The following PPEF2 variants were observed in gnomAD, a reference collection of about 807,000 sequenced individuals.
The protein encoded by PPEF2 is serine/threonine-protein phosphatase with EF-hands 2.
PPEF2 carries 84 observed loss-of-function variants against 84.7 expected under a neutral mutation model. That is an observed-to-expected ratio of 0.99 (90% CI 0.83 to 1.19). The LOEUF (loss-of-function observed/expected upper bound fraction) is 1.19, where lower values mean the gene tolerates loss of function less well. PPEF2 is among the 50% of genes most tolerant of loss of function. The pLI is 0.00. For synonymous variants in PPEF2, 346 were observed against 345.2 expected, an observed-to-expected ratio of 1.00 and a Z score of -0.03; for missense variants, 924 against 937.5, an observed-to-expected ratio of 0.99 and a Z score of 0.19.
intron 10 of PPEF2, among the ~76,000 whole-genome samples, chr4:75,880,059 A>G (rs138418695): frequency 0.039 from 5,967 of 151,862 alleles, 190 homozygotes; most frequent in Non-Finnish European, 0.055. Context: ...CCATCTCTTG[A>G]CCTCGTGATC....
rs779453312 is a variant in PPEF2, at chr4:75,872,066, A to AT, written c.1607dup (p.Tyr536Ter). 1 of 1,613,878 alleles carries AT rather than the reference A, an allele frequency of 6.2e-7. No individual in the cohort carries two copies. The highest frequency in any genetic ancestry group is 1.1e-5 in the South Asian group (1 of 91,040). Residue 536 changes from tyrosine (Y) to a stop codon, truncating the protein, a stop_gained and frameshift_variant, in exon 13 of 17, where the codon TAT (tyrosine) becomes TAAT (stop). Transcript: ENST00000286719. LOFTEE classifies it high-confidence loss of function. ...GTGTGTGGGTCACCTTGTTAGCTTGATACTGCACAATATGTGGGGTCAGGG... is the reference window on the plus strand; with the variant it reads ...GTGTGTGGGTCACCTTGTTAGCTTGATTACTGCACAATATGTGGGGTCAGGG... The part of the protein sequence containing the change: ...GPALTPHIVQ[Y>*]QANKVTHTLT...
intron 2 of PPEF2, among the ~76,000 whole-genome samples, chr4:75,894,872 G>A (rs1724972722): frequency 2.0e-5 from 3 of 152,194 alleles, no homozygotes; most frequent in Admixed American, 2.0e-4. Context: ...CACAAGATAA[G>A]GAAACCCTGA....
rs1724881071 is a variant in PPEF2, at chr4:75,891,515, T to G, written c.241+133A>C. The G allele has an allele frequency of 6.0e-6, 6 of 993,942 alleles. 1 individual carries two copies. Among genetic ancestry groups the G allele is most frequent in the Non-Finnish European group, 8.7e-6 (6 of 688,968 alleles). 61.6% of individuals were successfully genotyped at this position (993,942 alleles called of 1,614,324 possible). On this transcript the variant is annotated intron_variant, in intron 4 of 16. Coordinates refer to ENST00000286719, the MANE Select transcript of PPEF2 (RefSeq NM_006239.3). The stretch of plus-strand genomic sequence containing the variant: ...CTGGCATAAAACCCCAGTCTGCCAT[T>G]TACTCCTCAGCCCCTTGCTTATTCC...
intron 2 of PPEF2, among the ~76,000 whole-genome samples, chr4:75,894,724 G>A (rs938605006): frequency 1.3e-5 from 2 of 152,152 alleles, no homozygotes; most frequent in Non-Finnish European, 2.9e-5. Context: ...GGCAGGAGCT[G>A]GGGAAGTTTC....
At chr4:75,895,289 C>A (rs1479023355) in intron 2 of PPEF2, among the ~76,000 whole-genome samples, 1 of 151,600 alleles carries the variant, frequency 6.6e-6, no homozygotes, top group Non-Finnish European at 1.5e-5. Flanking sequence ...ATTAGCCGGG[C>A]ATGGTGGCAC....
At chr4:75,888,055 G>C (rs998322339) in intron 6 of PPEF2, among the ~76,000 whole-genome samples, 159 bp downstream of exon 6, 4 of 152,090 alleles carry the variant, frequency 2.6e-5, no homozygotes, top group Non-Finnish European at 5.9e-5. Context: ...CTCTTTTTTA[G>C]GTAAATGTGG....
At position 75,883,222 on chromosome 4, in the gene PPEF2, T is replaced by C. The variant is rs199765825; in HGVS notation, c.747-20A>G. 3.4e-5 allele frequency: 54 copies of C among 1,606,154 alleles called. No homozygotes were observed. The East Asian group carries it at 9.1e-4, about 27-fold the overall frequency. ...CCATATCTAGATTTAGAAGCACAAA[T>C]AGATATTAGAGTAAACTGGGTGACA... On this transcript the variant is annotated intron_variant, in intron 8 of 16. Transcript: ENST00000286719.
chr4:75,878,332 G>A (rs1229756311), intron 10 of PPEF2, among the ~76,000 whole-genome samples: 1 of 152,228 alleles, frequency 6.6e-6, no homozygotes, highest in African/African-American at 2.4e-5. Context: ...AGAGAGAGCA[G>A]CCATTCCTGC....
In PPEF2 at chr4:75,876,593, G is replaced by A. The variant is rs747281680; in HGVS notation, c.1014C>T (p.Ser338=). ...ACCATGGGATGGGTCCCTGTGCAGA[G>A]CTCTTCTGGTTGGCTCTTCTCTTCT... ...MEEKRRANQK[S]SAQGPIPWFL... is the part of the protein sequence containing the mutation. Residue 338 remains serine (S), a synonymous_variant, in exon 11 of 17, where the codon AGC becomes AGT. Coordinates refer to ENST00000286719, the MANE Select transcript of PPEF2 (RefSeq NM_006239.3). 9.9e-6 allele frequency: 16 copies of A among 1,612,718 alleles called. No individual in the cohort carries two copies. The African/African-American group carries it at 1.7e-4, about 17-fold the overall frequency.
chr4:75,891,579 T>TC, intron 4 of PPEF2, 69 bp downstream of exon 4: 1 of 1,497,694 alleles, frequency 6.7e-7, no homozygotes, highest in Non-Finnish European at 9.0e-7. Flanking sequence ...TCCCTGTGCA[T>TC]CCCCCACCTC....
intron 1 of PPEF2, among the ~76,000 whole-genome samples, chr4:75,898,289 G>T (rs1252392014): frequency 6.6e-6 from 1 of 152,156 alleles, no homozygotes; most frequent in Non-Finnish European, 1.5e-5. Flanking sequence ...GGCCAGTTTT[G>T]GGGCCAGTTT....
chr4:75,861,479 G>A (rs4859559), intron 16 of PPEF2, among the ~76,000 whole-genome samples: 147,167 of 150,126 alleles, frequency 0.98, 72,203 homozygotes, highest in East Asian at 1. Context: ...AAAGAGTAAA[G>A]CTAGATACCT....
chr4:75,865,424 G>A (rs1278128759), intron 15 of PPEF2, among the ~76,000 whole-genome samples: 1 of 151,978 alleles, frequency 6.6e-6, no homozygotes, highest in Non-Finnish European at 1.5e-5. Flanking sequence ...GTCTTGCTGT[G>A]TTGCCCAGGC....
Position 75,876,487 on chromosome 4 carries a change from T to TG in PPEF2, c.1119dup (p.Ser374GlnfsTer53), listed in dbSNP as rs764472859. 2 of 1,613,830 alleles carry TG rather than the reference T, an allele frequency of 1.2e-6. No individual in the cohort carries two copies. The highest frequency in any genetic ancestry group is 2.7e-5 in the African/African-American group (2 of 74,936). On this transcript the variant is annotated frameshift_variant, in exon 11 of 17. Transcript: ENST00000286719. LOFTEE classifies it high-confidence loss of function. ...TCCAGGGAACCGCTGCAGGGGATGC[T>TG]GGAGGACCTGCTGGTTTTCTGGGCC...
chr4:75,891,642 A>G lies in PPEF2; in HGVS notation c.241+6T>C, dbSNP rs757113028. On this transcript the variant is annotated splice_donor_region_variant and intron_variant, in intron 4 of 16. Transcript: ENST00000286719. ...GAGGACATGACATGTGGCAGTTCAT[A>G]CTCACTGTCGTTGTGGCTGCTGGGG... 32 of 1,604,718 alleles carry G rather than the reference A, an allele frequency of 2.0e-5. No homozygotes were observed. In the East Asian group the frequency reaches 6.9e-4, roughly 35 times the overall value.
intron 1 of PPEF2, among the ~76,000 whole-genome samples, chr4:75,898,296 G>A (rs976594078): frequency 4.6e-5 from 7 of 152,206 alleles, no homozygotes; most frequent in Non-Finnish European, 8.8e-5. Context: ...TTTGGGGCCA[G>A]TTTACGGCCA....
At chr4:75,900,871 C>A (rs928944660) in intron 1 of PPEF2, among the ~76,000 whole-genome samples, 5 of 152,072 alleles carry the variant, frequency 3.3e-5, no homozygotes, top group Admixed American at 1.3e-4. Flanking sequence ...CATATGAAAA[C>A]GGCCCCAAGA....
At chr4:75,886,735 A>C (rs950364893) in intron 7 of PPEF2, 117 bp downstream of exon 7, 5 of 524,256 alleles carry the variant, frequency 9.5e-6, no homozygotes, top group Non-Finnish European at 1.6e-5. Flanking sequence ...AAATAAAAAT[A>C]AATAATAATA....
chr4:75,888,875 C>T lies in PPEF2; in HGVS notation c.418-547G>A, dbSNP rs181578794. On this transcript the variant is annotated intron_variant, in intron 5 of 16. Coordinates refer to ENST00000286719, the MANE Select transcript of PPEF2 (RefSeq NM_006239.3). The stretch of plus-strand genomic sequence containing the variant: ...CTGGTCACCCTACTTTGGCCCTTGC[C>T]GCCTACACTGTCTTAACACAGCAAC... 1.4e-4 allele frequency among the ~76,000 whole-genome samples: 21 copies of T among 152,302 alleles called. No homozygotes were observed. In the East Asian group the frequency reaches 2.3e-3, roughly 17 times the overall value.
Sources: gnomAD v4.1 joint callset for allele counts (sites outside exome capture counted in the v4.1 genomes callset) on GRCh38, gnomAD v4.1.1 for gene constraint, MANE v1.5 for transcripts, NCBI Gene and HGNC (gene_info 2026-07-23, HGNC 2026-07-21) for gene names.